The following ZBTB16 variants were observed in gnomAD, a reference collection of about 807,000 sequenced individuals.
The protein encoded by ZBTB16 is zinc finger and BTB domain containing 16.
A neutral mutation model predicts 56.8 loss-of-function variants in ZBTB16; 8 were observed. The ratio of observed to expected loss-of-function variants is 0.14; its 90% confidence interval spans 0.08 to 0.25. The LOEUF is 0.25. Among genes scored for constraint, ZBTB16 ranks in the 10% least tolerant of loss-of-function variants. The pLI, the probability that ZBTB16 is intolerant of heterozygous loss-of-function variation, is 1.00. For synonymous variants in ZBTB16, 363 were observed against 368.5 expected (o/e 0.98, Z 0.17); for missense variants, 625 against 903.0 (o/e 0.69, Z 3.95).
chr11:114,162,315 G>A (rs780869610), intron 3 of ZBTB16, among the ~76,000 whole-genome samples: 2 of 152,172 alleles, frequency 1.3e-5, no homozygotes, highest in Non-Finnish European at 2.9e-5. Flanking sequence ...CTTTTTTGGA[G>A]CACTGAGCTG....
At chr11:114,229,919 A>G (rs763162079) in intron 4 of ZBTB16, among the ~76,000 whole-genome samples, 5 of 152,166 alleles carry the variant, frequency 3.3e-5, no homozygotes, top group Non-Finnish European at 4.4e-5. Context: ...TGAAAAATCA[A>G]ATGTGTTCCT....
chr11:114,082,742 G>T (rs1259064647), intron 2 of ZBTB16, among the ~76,000 whole-genome samples: 3 of 122,866 alleles, frequency 2.4e-5, no homozygotes, highest in African/African-American at 9.3e-5. Context: ...TCGGTGGGCG[G>T]GGAAGCTGGG....
rs540948583 is a variant in ZBTB16, at chr11:114,169,495, A to G, written c.1366+13061A>G. ...GTTGAGCAGCAGAGAAACCTCGATG[A>G]CTACTCTGGGTCACACGTGTGGCCC... On this transcript the variant is annotated intron_variant, in intron 3 of 6. Coordinates refer to ENST00000335953, the MANE Select transcript of ZBTB16 (RefSeq NM_006006.6). Among the ~76,000 whole-genome samples the G allele has an allele frequency of 5.3e-5, 8 of 152,286 alleles. No homozygotes were observed. In the East Asian group the frequency reaches 1.5e-3, roughly 29 times the overall value.
intron 3 of ZBTB16, among the ~76,000 whole-genome samples, chr11:114,174,572 C>T (rs1943058436): frequency 6.6e-6 from 1 of 152,100 alleles, no homozygotes; most frequent in African/African-American, 2.4e-5. Context: ...GCATCTCTCT[C>T]CAATGCCACT....
chr11:114,159,069 G>A (rs895129890), intron 3 of ZBTB16, among the ~76,000 whole-genome samples: 3 of 152,228 alleles, frequency 2.0e-5, no homozygotes, highest in Non-Finnish European at 4.4e-5. Context: ...GCATTGGTGG[G>A]GCTGGTGGAA....
At chr11:114,122,374 TG>T (rs1396691507) in intron 2 of ZBTB16, among the ~76,000 whole-genome samples, 1 of 152,158 alleles carries the variant, frequency 6.6e-6, no homozygotes, top group South Asian at 2.1e-4. Flanking sequence ...ACATTTACTG[TG>T]GGGGTAGGTG....
At chr11:114,181,594 CAGAT>C (rs961691778) in intron 3 of ZBTB16, among the ~76,000 whole-genome samples, 1 of 152,218 alleles carries the variant, frequency 6.6e-6, no homozygotes, top group East Asian at 1.9e-4. Context: ...GGGAGGCAGA[CAGAT>C]AGGCTTATGC....
chr11:114,159,943 G>GGGGGGGGGT (rs1430328211), intron 3 of ZBTB16, among the ~76,000 whole-genome samples: 1 of 145,104 alleles, frequency 6.9e-6, no homozygotes, highest in African/African-American at 2.7e-5. Context: ...GAGGCGGGGG[G>GGGGGGGGGT]GAGGCGAGCA....
At chr11:114,124,293 G>A (rs1473044737) in intron 2 of ZBTB16, among the ~76,000 whole-genome samples, 1 of 151,896 alleles carries the variant, frequency 6.6e-6, no homozygotes, top group East Asian at 1.9e-4. Context: ...GAAGAAGAGG[G>A]GCTCTGGGTG....
At chr11:114,164,422 T>C (rs928401955) in intron 3 of ZBTB16, among the ~76,000 whole-genome samples, 12 of 152,178 alleles carry the variant, frequency 7.9e-5, no homozygotes, top group African/African-American at 2.9e-4. Flanking sequence ...GGGACATCTG[T>C]CTGTCTGCCA....
intron 2 of ZBTB16, among the ~76,000 whole-genome samples, chr11:114,070,555 C>G (rs1204229605): frequency 3.3e-5 from 5 of 152,220 alleles, no homozygotes; most frequent in Admixed American, 6.5e-5. Context: ...GGTCACACAG[C>G]TATAAATGGG....
intron 4 of ZBTB16, among the ~76,000 whole-genome samples, chr11:114,231,390 C>T (rs1484965754): frequency 6.6e-6 from 1 of 152,166 alleles, no homozygotes; most frequent in Non-Finnish European, 1.5e-5. Context: ...AAAGCTCCCC[C>T]TCCATATTCC....
chr11:114,065,006 C>T (rs1000922131), intron 2 of ZBTB16, among the ~76,000 whole-genome samples: 2 of 152,176 alleles, frequency 1.3e-5, no homozygotes, highest in African/African-American at 4.8e-5. Context: ...CCTGTGAAGA[C>T]AGCCTGTCCC....
chr11:114,244,259 G>C (rs1017081152), intron 5 of ZBTB16, among the ~76,000 whole-genome samples: 1 of 151,928 alleles, frequency 6.6e-6, no homozygotes, highest in Non-Finnish European at 1.5e-5. Flanking sequence ...GAAGGGAGGG[G>C]CTGGAAGGGA....
chr11:114,113,939 C>T (rs1484298971), intron 2 of ZBTB16, among the ~76,000 whole-genome samples: 2 of 152,140 alleles, frequency 1.3e-5, no homozygotes, highest in Non-Finnish European at 2.9e-5. Context: ...GCTAAATTAG[C>T]CAAGTTTAAA....
intron 4 of ZBTB16, among the ~76,000 whole-genome samples, chr11:114,240,499 T>TA (rs1293643198): frequency 1.6e-5 from 2 of 123,824 alleles, no homozygotes; most frequent in Non-Finnish European, 3.2e-5. Flanking sequence ...TAGGCCTACT[T>TA]ACGTTTCCTG....
intron 4 of ZBTB16, among the ~76,000 whole-genome samples, chr11:114,216,562 C>T (rs1944102526): frequency 6.6e-6 from 1 of 152,146 alleles, no homozygotes; most frequent in Non-Finnish European, 1.5e-5. Flanking sequence ...TGCTTTGGGG[C>T]CCAGAGGAAC....
chr11:114,200,825 C>G (rs1218427585), intron 4 of ZBTB16, among the ~76,000 whole-genome samples: 1 of 152,160 alleles, frequency 6.6e-6, no homozygotes, highest in Non-Finnish European at 1.5e-5. Flanking sequence ...GACTTCTCAC[C>G]CTTCTCCTTA....
chr11:114,117,512 G>A (rs1209223912), intron 2 of ZBTB16, among the ~76,000 whole-genome samples: 6 of 151,702 alleles, frequency 4.0e-5, no homozygotes, highest in Admixed American at 1.3e-4. Context: ...ATTGTAGGGG[G>A]AAATGAACAG....
Sources: allele counts gnomAD v4.1 joint callset (sites outside exome capture counted in the v4.1 genomes callset), GRCh38; gene constraint gnomAD v4.1.1; transcripts MANE v1.5; gene names NCBI Gene and HGNC (gene_info 2026-07-23, HGNC 2026-07-21).